Variants in COG3 observed in about 807,000 individuals in gnomAD.
COG3 encodes conserved oligomeric Golgi complex subunit 3.
COG3 carries 32 observed loss-of-function variants against 114.1 expected under a neutral mutation model. The observed-to-expected ratio is 0.28, with a 90% CI of 0.21 to 0.38. The LOEUF is 0.38. Among genes scored for constraint, COG3 ranks in the 10% least tolerant of loss-of-function variants. The pLI, the probability that COG3 is intolerant of heterozygous loss-of-function variation, is 1.00. For synonymous variants in COG3, 352 were observed against 365.7 expected, an observed-to-expected ratio of 0.96 and a Z score of 0.43; for missense variants, 813 against 973.2, an observed-to-expected ratio of 0.84 and a Z score of 2.19.
intron 2 of COG3, among the ~76,000 whole-genome samples, chr13:45,477,481 A>G (rs1885946288): frequency 6.6e-6 from 1 of 152,218 alleles, no homozygotes; most frequent in African/African-American, 2.4e-5. Context: ...ACTAACAACT[A>G]TAATTGAGAT....
At chr13:45,470,208 C>T (rs888341877) in intron 1 of COG3, among the ~76,000 whole-genome samples, 2 of 152,050 alleles carry the variant, frequency 1.3e-5, no homozygotes, top group African/African-American at 4.8e-5. Context: ...AGGTATACTT[C>T]CTTTGTATAT....
At chr13:45,516,492 G>A (rs939490286) in intron 17 of COG3, among the ~76,000 whole-genome samples, 1 of 152,146 alleles carries the variant, frequency 6.6e-6, no homozygotes, top group African/African-American at 2.4e-5. Flanking sequence ...TGTAATATTA[G>A]ACTCATTTAG....
At chr13:45,508,403 T>TATATATAC (rs1352468701) in intron 14 of COG3, among the ~76,000 whole-genome samples, 1 of 133,050 alleles carries the variant, frequency 7.5e-6, no homozygotes, top group Non-Finnish European at 1.5e-5. Context: ...TATATATATA[T>TATATATAC]ACACACACAC....
At chr13:45,523,081 AG>A (rs1872335018) in intron 19 of COG3, among the ~76,000 whole-genome samples, 1 of 152,144 alleles carries the variant, frequency 6.6e-6, no homozygotes, top group South Asian at 2.1e-4. Flanking sequence ...ATTTTGCTTT[AG>A]CACAAAGTCT....
At chr13:45,472,426 C>T (rs1197189546) in intron 1 of COG3, among the ~76,000 whole-genome samples, 1 of 152,118 alleles carries the variant, frequency 6.6e-6, no homozygotes, top group Non-Finnish European at 1.5e-5. Flanking sequence ...CCACCCTGTT[C>T]TCACTTGTTC....
At chr13:45,489,630 A>G (rs1197122974) in intron 8 of COG3, among the ~76,000 whole-genome samples, 1 of 152,212 alleles carries the variant, frequency 6.6e-6, no homozygotes, top group African/African-American at 2.4e-5. Context: ...AGCATAAAAT[A>G]CTTACCTAGC....
At position 45,518,952 on chromosome 13, in the gene COG3, T is replaced by C. The variant is rs1412377843; in HGVS notation, c.2020-8T>C. 1 of 1,614,004 alleles carries C rather than the reference T, an allele frequency of 6.2e-7. No individual in the cohort carries two copies. The highest frequency in any genetic ancestry group is 8.5e-7 in the Non-Finnish European group (1 of 1,179,950). ...AAAACAGGAGGAAATTGTTATCTTC[T>C]TTTTAAGGGTACTCCTGAGATAAGA... On this transcript the variant is annotated splice_region_variant and splice_polypyrimidine_tract_variant and intron_variant, in intron 18 of 22. Transcript: ENST00000349995.
In COG3 at chr13:45,479,069, ATG is replaced by A. The variant is rs1257586795; in HGVS notation, c.383+9_383+10del. ...CAAGATGAAGGAACTAAATATAGGT[ATG>A]TGTGTCTCTTGCATTTGTTGAATAT... On this transcript the variant is annotated splice_donor_5th_base_variant and intron_variant, in intron 3 of 22. Coordinates refer to ENST00000349995, the MANE Select transcript of COG3 (RefSeq NM_031431.4). 2 of 1,594,538 alleles carry A rather than the reference ATG, an allele frequency of 1.3e-6. No homozygotes were observed. Among genetic ancestry groups the A allele is most frequent in the East Asian group, 4.5e-5 (2 of 44,726 alleles).
chr13:45,512,781 A>C (rs1871012326), intron 16 of COG3, among the ~76,000 whole-genome samples: 1 of 151,504 alleles, frequency 6.6e-6, no homozygotes, highest in South Asian at 2.1e-4. Flanking sequence ...TACCTGGCTA[A>C]ATTTTTTATT....
At chr13:45,508,415 CACACACACACAT>C (rs1437868470) in intron 14 of COG3, among the ~76,000 whole-genome samples, 33 of 115,532 alleles carry the variant, frequency 2.9e-4, no homozygotes, top group Non-Finnish European at 2.5e-4. Context: ...CACACACACA[CACACACACACAT>C]ACACATATAT....
At chr13:45,515,122 A>C (rs186240759) in intron 16 of COG3, among the ~76,000 whole-genome samples, 1 of 152,200 alleles carries the variant, frequency 6.6e-6, no homozygotes, top group Non-Finnish European at 1.5e-5. Flanking sequence ...AATCTATATG[A>C]TACAATTTTT....
At position 45,535,115 on chromosome 13, in the gene COG3, G is replaced by C. The variant is rs946542739; in HGVS notation, c.*384G>C. The C allele has an allele frequency of 9.9e-7, 1 of 1,013,986 alleles. No individual in the cohort carries two copies. Among genetic ancestry groups the C allele is most frequent in the Admixed American group, 5.8e-5 (1 of 17,102 alleles). 62.8% of individuals were successfully genotyped at this position (1,013,986 alleles called of 1,614,324 possible). A position where few individuals can be genotyped will look rare whatever the true frequency, so the allele number is the denominator to read the frequency against. On this transcript the variant is annotated 3_prime_UTR_variant, in exon 23 of 23. Coordinates refer to ENST00000349995, the MANE Select transcript of COG3 (RefSeq NM_031431.4). ...CAAGCGAATTAGAAGGCCTGTAAGA[G>C]TAAGGTTTGCTAAAACGTGAAACAC...
intron 16 of COG3, among the ~76,000 whole-genome samples, chr13:45,514,749 G>A (rs975986460): frequency 1.3e-5 from 2 of 151,934 alleles, no homozygotes; most frequent in Admixed American, 6.6e-5. Flanking sequence ...CCAGGTTCAC[G>A]CCATTCTCCT....
At position 45,535,003 on chromosome 13, in the gene COG3, G is replaced by C. The variant is rs1411686415; in HGVS notation, c.*272G>C. ...CACAAGAAATGTGAAGAGAGAGCTA[G>C]GGCAGACATGCAGTGAAATGGTTCT... On this transcript the variant is annotated 3_prime_UTR_variant, in exon 23 of 23. Coordinates refer to ENST00000349995, the MANE Select transcript of COG3 (RefSeq NM_031431.4). The C allele has an allele frequency of 5.8e-6, 7 of 1,202,946 alleles. No individual in the cohort carries two copies. Among genetic ancestry groups the C allele is most frequent in the Non-Finnish European group, 7.2e-6 (7 of 970,740 alleles). The allele number at this position is 1,202,946 out of a possible 1,614,324, so 74.5% of individuals were successfully genotyped here.
chr13:45,491,995 A>G (rs969444156), intron 10 of COG3, among the ~76,000 whole-genome samples, 164 bp from the exon 11 acceptor site: 1 of 152,186 alleles, frequency 6.6e-6, no homozygotes, highest in African/African-American at 2.4e-5. Flanking sequence ...CTATAATCTC[A>G]TTATGCAGTC....
chr13:45,467,631 TC>T (rs1198341290), intron 1 of COG3, among the ~76,000 whole-genome samples: 1 of 152,306 alleles, frequency 6.6e-6, no homozygotes, highest in African/African-American at 2.4e-5. Context: ...TATGCACACA[TC>T]CTGGAATCTT....
chr13:45,482,917 A>G (rs1886341128), intron 6 of COG3, among the ~76,000 whole-genome samples: 1 of 152,108 alleles, frequency 6.6e-6, no homozygotes, highest in Non-Finnish European at 1.5e-5. Flanking sequence ...TGCTGTGTTT[A>G]TTTCCCCTAA....
rs148804071 is a variant in COG3 at position 45,524,408 on chromosome 13, A to G, written c.2155-568A>G. The stretch of plus-strand genomic sequence containing the variant: ...TACTGCTGCTAAGGAATGAAAAGAG[A>G]TGACTAGAAGATGGTCATTCAGGTC... On this transcript the variant is annotated intron_variant, in intron 19 of 22. Coordinates refer to ENST00000349995, the MANE Select transcript of COG3 (RefSeq NM_031431.4). Among the ~76,000 whole-genome samples the G allele has an allele frequency of 2.8e-4, 43 of 152,302 alleles. No homozygotes were observed. In the East Asian group the frequency reaches 6.0e-3, roughly 21 times the overall value.
At chr13:45,501,035 T>A (rs1593715897) in intron 13 of COG3, among the ~76,000 whole-genome samples, 2 of 152,214 alleles carry the variant, frequency 1.3e-5, no homozygotes, top group Admixed American at 1.3e-4. Context: ...TGTTATTACA[T>A]CATATTAAGG....
Sources: allele counts gnomAD v4.1 joint callset (sites outside exome capture counted in the v4.1 genomes callset), GRCh38; gene constraint gnomAD v4.1.1; transcripts MANE v1.5; gene names NCBI Gene and HGNC (gene_info 2026-07-23, HGNC 2026-07-21).